The following NAA60 variants were observed in gnomAD, a reference collection of about 807,000 sequenced individuals.
NAA60 encodes N-alpha-acetyltransferase 60, NatF catalytic subunit.
NAA60 carries 8 observed loss-of-function variants against 26.1 expected under a neutral mutation model. That is an observed-to-expected ratio of 0.31 (90% CI 0.18 to 0.55). The LOEUF is 0.55. NAA60 is among the 20% of genes least tolerant of loss of function. The pLI, the probability that NAA60 is intolerant of heterozygous loss-of-function variation, is 0.93. For missense variants in NAA60, 290 were observed against 311.3 expected (o/e 0.93, Z 0.51); for synonymous variants, 131 against 122.5 (o/e 1.07, Z -0.46).
chr16:3,468,991 C>T (rs184967233), intron 2 of NAA60, among the ~76,000 whole-genome samples: 24 of 151,634 alleles, frequency 1.6e-4, no homozygotes, highest in African/African-American at 4.3e-4. Context: ...GAGGCTGCGG[C>T]GTGAGAATCG....
At chr16:3,454,874 AAG>A (rs139038956) in intron 2 of NAA60, among the ~76,000 whole-genome samples, 4 of 152,310 alleles carry the variant, frequency 2.6e-5, no homozygotes, top group African/African-American at 9.6e-5. Flanking sequence ...CACAAACACA[AAG>A]AGAAAGGGTG....
At chr16:3,476,815 G>A (rs1265683145) in intron 3 of NAA60, among the ~76,000 whole-genome samples, 3 of 152,112 alleles carry the variant, frequency 2.0e-5, no homozygotes, top group African/African-American at 7.2e-5. Context: ...GCCAAGGAGG[G>A]CAGATCACCT....
rs1428143631 is a variant in NAA60 at position 3,476,358 on chromosome 16, G to C, written c.110+21G>C. On this transcript the variant is annotated intron_variant, in intron 3 of 7. Coordinates refer to ENST00000407558, the MANE Select transcript of NAA60 (RefSeq NM_001083601.3). ...ATCGAGTAAGTGGAGCGGATTGCAGGGTTGGGGAGAGCCCGTGAGCCTCAG... is the reference window on the plus strand; with the variant it reads ...ATCGAGTAAGTGGAGCGGATTGCAGCGTTGGGGAGAGCCCGTGAGCCTCAG... 3 of 1,602,816 alleles carry C rather than the reference G, an allele frequency of 1.9e-6. No individual in the cohort carries two copies. In the African/African-American group the frequency reaches 4.0e-5, roughly 21 times the overall value.
chr16:3,456,788 A>G (rs529277225), intron 2 of NAA60: 3 of 151,810 alleles, frequency 2.0e-5, no homozygotes, highest in African/African-American at 7.3e-5. Flanking sequence ...TGACACGCAG[A>G]CTCAAATCTT....
chr16:3,459,969 C>A (rs1187562682), intron 2 of NAA60, among the ~76,000 whole-genome samples: 9 of 152,174 alleles, frequency 5.9e-5, no homozygotes, highest in Admixed American at 5.9e-4. Flanking sequence ...GATACTTACA[C>A]CTAAAAGGAG....
chr16:3,443,807 C>G lies in NAA60; in HGVS notation c.-107C>G, dbSNP rs1371148091. 1.3e-6 allele frequency: 2 copies of G among 1,534,838 alleles called. No individual in the cohort carries two copies. The highest frequency in any genetic ancestry group is 2.0e-5 in the Admixed American group (1 of 50,946). On this transcript the variant is annotated 5_prime_UTR_variant, in exon 1 of 8. Transcript: ENST00000407558. Reference sequence around the variant, plus strand: ...AGGACAGAAAGAAGACTGGGAGACACCGGAACTCGAAAGAAAATCGGTAAC... The same window carrying G: ...AGGACAGAAAGAAGACTGGGAGACAGCGGAACTCGAAAGAAAATCGGTAAC...
chr16:3,457,664 G>C (rs2035064515), intron 2 of NAA60, among the ~76,000 whole-genome samples: 1 of 152,246 alleles, frequency 6.6e-6, no homozygotes, highest in South Asian at 2.1e-4. Flanking sequence ...GCCAGCCCCG[G>C]CGCTGCAGGC....
intron 1 of NAA60, among the ~76,000 whole-genome samples, chr16:3,448,217 T>C (rs1167547251): frequency 6.9e-6 from 1 of 144,130 alleles, no homozygotes; most frequent in African/African-American, 2.6e-5. Flanking sequence ...GAGGCTGCAG[T>C]GAGCTAGCAT....
At chr16:3,482,352 C>T in intron 4 of NAA60, 150 bp from the exon 5 acceptor site, 1 of 653,630 alleles carries the variant, frequency 1.5e-6, no homozygotes, top group Non-Finnish European at 2.7e-6. Context: ...GAGTGGGGGC[C>T]CCTCTCCAGT....
intron 2 of NAA60, among the ~76,000 whole-genome samples, chr16:3,450,365 T>C (rs2034727389): frequency 6.6e-6 from 1 of 152,124 alleles, no homozygotes; most frequent in African/African-American, 2.4e-5. Context: ...CTAGGAAGGC[T>C]GGTTTTGGAA....
intron 2 of NAA60, among the ~76,000 whole-genome samples, chr16:3,464,283 G>A: frequency 6.6e-6 from 1 of 152,182 alleles, no homozygotes. Context: ...AAAGTGCTGG[G>A]ATTACAGGTG....
At chr16:3,470,929 A>G (rs772816581) in intron 2 of NAA60, among the ~76,000 whole-genome samples, 2 of 152,188 alleles carry the variant, frequency 1.3e-5, no homozygotes, top group Non-Finnish European at 2.9e-5. Context: ...GCTGTGATGC[A>G]TGCTGCATTT....
intron 2 of NAA60, among the ~76,000 whole-genome samples, chr16:3,464,683 C>A (rs1380893167): frequency 2.0e-5 from 3 of 152,200 alleles, no homozygotes; most frequent in Non-Finnish European, 2.9e-5. Context: ...TCATTTGACT[C>A]CCATGTGCCC....
chr16:3,445,276 C>CTT (rs960897042), intron 1 of NAA60, among the ~76,000 whole-genome samples: 9 of 118,466 alleles, frequency 7.6e-5, no homozygotes, highest in African/African-American at 2.2e-4. Flanking sequence ...GTGCTTATCT[C>CTT]TTTTTTTTTT....
intron 2 of NAA60, among the ~76,000 whole-genome samples, chr16:3,459,521 G>T (rs1301054175): frequency 1.3e-5 from 2 of 152,182 alleles, no homozygotes; most frequent in Non-Finnish European, 2.9e-5. Flanking sequence ...AAACAGACAG[G>T]TTCATCACAG....
At chr16:3,443,971 G>T in intron 1 of NAA60, 134 bp downstream of exon 1, 1 of 1,371,114 alleles carries the variant, frequency 7.3e-7, no homozygotes, top group Non-Finnish European at 9.4e-7. Flanking sequence ...GTGGGGCCGT[G>T]GAACATGAAG....
At chr16:3,485,272 T>A (rs1357660259) in intron 7 of NAA60, 195 bp from the exon 8 acceptor site, 5 of 607,342 alleles carry the variant, frequency 8.2e-6, no homozygotes, top group Non-Finnish European at 1.5e-5. Flanking sequence ...TGCACCCGAC[T>A]TTGGATCCAT....
At chr16:3,444,762 T>C (rs532933545) in intron 1 of NAA60, among the ~76,000 whole-genome samples, 1 of 152,318 alleles carries the variant, frequency 6.6e-6, no homozygotes, top group Non-Finnish European at 1.5e-5. Context: ...CCTAAGCATG[T>C]TGGTAACGTT....
At chr16:3,464,531 C>T (rs895111317) in intron 2 of NAA60, among the ~76,000 whole-genome samples, 5 of 152,112 alleles carry the variant, frequency 3.3e-5, no homozygotes, top group East Asian at 1.9e-4. Flanking sequence ...CCATCTCGCC[C>T]GCTGCTTCCT....
Sources: allele counts gnomAD v4.1 joint callset (sites outside exome capture counted in the v4.1 genomes callset), GRCh38; gene constraint gnomAD v4.1.1; transcripts MANE v1.5; gene names NCBI Gene and HGNC (gene_info 2026-07-23, HGNC 2026-07-21).